DNAI3: variants seen among roughly 807,000 people sequenced by gnomAD.
DNAI3 encodes the protein WD repeat domain 63.
Under a neutral mutation model 115.5 loss-of-function variants are expected in DNAI3, and 83 were observed. That is an observed-to-expected ratio of 0.72 (90% CI 0.60 to 0.86). The LOEUF is 0.86. DNAI3 is among the 40% of genes least tolerant of loss of function. The probability of loss-of-function intolerance (pLI) is 0.00; values close to 1 mark genes in which losing one functional copy is unlikely to be tolerated. For missense variants in DNAI3, 1,004 were observed against 1,075.8 expected (o/e 0.93, Z 0.93); for synonymous variants, 320 against 347.0 (o/e 0.92, Z 0.86).
chr1:85,099,722 T>C (rs1571180062), intron 13 of DNAI3, among the ~76,000 whole-genome samples: 2 of 152,184 alleles, frequency 1.3e-5, no homozygotes, highest in Non-Finnish European at 2.9e-5. Context: ...CTTCAAACTA[T>C]ACTACAAGGC....
intron 14 of DNAI3, 117 bp downstream of exon 14, chr1:85,104,714 A>G: frequency 1.2e-6 from 1 of 804,632 alleles, no homozygotes; most frequent in Non-Finnish European, 2.0e-6. Context: ...TAAATCTAAT[A>G]TAACTAAATG....
Position 85,085,985 on chromosome 1 carries a change from T to A in DNAI3, c.695T>A (p.Met232Lys). The part of the protein sequence containing the change: ...TLKQLEKDVG[M>K]QVIPQIKDIS... ...AAACAACTTGAAAAAGATGTTGGCA[T>A]GCAAGTAATCCCCCAAATAAAGGAC... is the stretch of plus-strand genomic sequence containing the variant. Residue 232 changes from methionine (M) to lysine (K), a missense_variant, in exon 7 of 23, where the codon ATG becomes AAG. Met to Lys is a moderately conservative substitution (Grantham distance 95, BLOSUM62 -1). Around this residue, in one of 3 missense-constraint regions of DNAI3, gnomAD observed 550 missense variants for 568.1 expected, o/e 0.97. Transcript: ENST00000294664. 1.2e-6 allele frequency: 2 copies of A among 1,614,180 alleles called. No homozygotes were observed. The highest frequency in any genetic ancestry group is 1.7e-6 in the Non-Finnish European group (2 of 1,180,024).
In DNAI3 at chr1:85,078,672, TG is replaced by T. The variant is rs200978058; in HGVS notation, c.104-2560del. 4.0e-3 allele frequency among the ~76,000 whole-genome samples: 614 copies of T among 152,322 alleles called. 5 individuals are homozygous for T. The highest frequency in any genetic ancestry group is 0.014 in the African/African-American group (570 of 41,578). Reference sequence around the variant, plus strand: ...GTATTTGGCTGGTGACCCTTTGGGGTGGCCAGAAGCATCAGGCCTTGCCCTG... The same window carrying T: ...GTATTTGGCTGGTGACCCTTTGGGGTGCCAGAAGCATCAGGCCTTGCCCTG... On this transcript the variant is annotated intron_variant, in intron 3 of 22. Transcript: ENST00000294664.
intron 15 of DNAI3, 67 bp from the exon 16 acceptor site, chr1:85,109,981 G>T (rs911155180): frequency 1.3e-6 from 2 of 1,493,220 alleles, no homozygotes; most frequent in Admixed American, 3.4e-5. Flanking sequence ...GGAAAGGCAA[G>T]AATAAATTAC....
rs1475242025 is a variant in DNAI3 at position 85,094,475 on chromosome 1, A to G, written c.1093A>G (p.Arg365Gly). Residue 365 changes from arginine (R) to glycine (G), a missense_variant, in exon 10 of 23, where the codon AGA becomes GGA. By Grantham distance (125) the Arg-to-Gly change is moderately radical (BLOSUM62 -2). Around this residue, in one of 3 missense-constraint regions of DNAI3, gnomAD observed 550 missense variants for 568.1 expected, o/e 0.97. Coordinates refer to ENST00000294664, the MANE Select transcript of DNAI3 (RefSeq NM_145172.5). ...AGCCGTGCGACTTTCTTTTGAAGAC[A>G]GAGTTCACTTTTCTGGTAAATTATT... ...SVAVRLSFED[R>G]VHFSGKLLLQ... is the part of the protein sequence containing the mutation. 3.1e-6 allele frequency: 5 copies of G among 1,614,092 alleles called. No homozygotes were observed. The highest frequency in any genetic ancestry group is 3.3e-5 in the Admixed American group (2 of 60,000).
chr1:85,107,818 A>G lies in DNAI3; in HGVS notation c.1554-215A>G, dbSNP rs537702466. The stretch of plus-strand genomic sequence containing the variant: ...GCATCAAACTCAATTCTCATATGTT[A>G]TTAGTCCCAAGATGAGGGAGGCTGT... On this transcript the variant is annotated intron_variant, in intron 14 of 22. Transcript: ENST00000294664. Among the ~76,000 whole-genome samples the G allele has an allele frequency of 6.7e-4, 102 of 152,308 alleles. 2 individuals are homozygous for G. The highest frequency in any genetic ancestry group is 2.3e-3 in the East Asian group (12 of 5,190).
In DNAI3 at chr1:85,086,034, A is replaced by G. The variant is rs778930907; in HGVS notation, c.740+4A>G. On this transcript the variant is annotated splice_donor_region_variant and intron_variant, in intron 7 of 22. Transcript: ENST00000294664. ...ACATAAGCACTCAGACAAAATGGTA[A>G]GTATGTGATGGGTGTATGTAATTTT... The G allele has an allele frequency of 6.8e-6, 11 of 1,613,540 alleles. No homozygotes were observed. In the East Asian group the frequency reaches 2.2e-4, roughly 33 times the overall value.
chr1:85,070,660 A>G (rs559261094), intron 1 of DNAI3, among the ~76,000 whole-genome samples: 6 of 152,350 alleles, frequency 3.9e-5, no homozygotes, highest in Admixed American at 2.0e-4. Flanking sequence ...GTTTCAGATG[A>G]TGGATAATCC....
chr1:85,119,064 A>T (rs1020306227), intron 17 of DNAI3, among the ~76,000 whole-genome samples: 5 of 152,240 alleles, frequency 3.3e-5, no homozygotes, highest in Non-Finnish European at 5.9e-5. Flanking sequence ...GCAATGCAAC[A>T]CTACCAAATA....
intron 18 of DNAI3, 21 bp from the exon 19 acceptor site, chr1:85,124,100 G>A (rs1656062046): frequency 6.2e-7 from 1 of 1,613,586 alleles, no homozygotes; most frequent in Non-Finnish European, 8.5e-7. Flanking sequence ...AAGATGAGAT[G>A]GTCTTCTTTC....
chr1:85,083,915 C>T (rs1270324151), intron 5 of DNAI3, among the ~76,000 whole-genome samples: 1 of 151,826 alleles, frequency 6.6e-6, no homozygotes, highest in Non-Finnish European at 1.5e-5. Context: ...ACTTAACATT[C>T]ACATAAAAAT....
intron 11 of DNAI3, among the ~76,000 whole-genome samples, chr1:85,096,452 A>ATG (rs1169786832): frequency 1.4e-5 from 2 of 147,968 alleles, no homozygotes; most frequent in Non-Finnish European, 3.0e-5. Context: ...AGGCAGATAT[A>ATG]TGTGTGTATA....
intron 3 of DNAI3, among the ~76,000 whole-genome samples, chr1:85,075,586 G>T (rs996362451): frequency 9.2e-5 from 14 of 152,038 alleles, no homozygotes; most frequent in African/African-American, 3.1e-4. Flanking sequence ...GTTAATCAGG[G>T]CTGATGGCTG....
chr1:85,130,329 T>TAGAA, intron 22 of DNAI3: 1 of 634,854 alleles, frequency 1.6e-6, no homozygotes, highest in Non-Finnish European at 2.5e-6. Context: ...AAATTTTCTA[T>TAGAA]AATTTCAAAG....
chr1:85,104,115 ATGTCCT>A (rs1343168197), intron 13 of DNAI3, among the ~76,000 whole-genome samples: 4 of 146,366 alleles, frequency 2.7e-5, no homozygotes, highest in Non-Finnish European at 4.5e-5. Flanking sequence ...AGATAGTGGT[ATGTCCT>A]TTTTTTTTTT....
intron 9 of DNAI3, 69 bp from the exon 10 acceptor site, chr1:85,094,362 G>C: frequency 6.3e-7 from 1 of 1,589,908 alleles, no homozygotes; most frequent in Admixed American, 1.7e-5. Context: ...GTGTAGAAAA[G>C]CAAAAGCTAG....
chr1:85,082,039 G>A (rs1451314344), intron 4 of DNAI3, among the ~76,000 whole-genome samples: 1 of 152,166 alleles, frequency 6.6e-6, no homozygotes. Flanking sequence ...GCATGCTACA[G>A]AGCACAATAC....
Position 85,094,457 on chromosome 1 carries a change from C to A in DNAI3, c.1075C>A (p.Arg359=), listed in dbSNP as rs141494762. ...YGLIAVSVAV[R]LSFEDRVHFS... ...GCTAATAGCTGTGTCGGTAGCCGTGCGACTTTCTTTTGAAGACAGAGTTCA... is the reference window on the plus strand; with the variant it reads ...GCTAATAGCTGTGTCGGTAGCCGTGAGACTTTCTTTTGAAGACAGAGTTCA... The change falls in exon 10 of 23, where the codon CGA becomes AGA. Residue 359 remains arginine (R), a synonymous_variant. Transcript: ENST00000294664. The A allele has an allele frequency of 7.2e-5, 117 of 1,614,130 alleles. No individual in the cohort carries two copies. The African/African-American group carries it at 1.3e-3, about 18-fold the overall frequency.
chr1:85,126,567 G>T lies in DNAI3; in HGVS notation c.2169G>T (p.Trp723Cys). The change falls in exon 20 of 23, where the codon TGG becomes TGT. Residue 723 changes from tryptophan to cysteine, a missense_variant. Transcript: ENST00000294664. ...CAPKRYTSGH[W>C]SLTRPGVFYI... is the part of the protein sequence containing the mutation. ...CAAAAAGGTACACCTCAGGCCACTGGTCCCTGACTCGGCCCGGAGTTTTCT... is the reference window on the plus strand; with the variant it reads ...CAAAAAGGTACACCTCAGGCCACTGTTCCCTGACTCGGCCCGGAGTTTTCT... 1 of 1,614,118 alleles carries T rather than the reference G, an allele frequency of 6.2e-7. No homozygotes were observed. The highest frequency in any genetic ancestry group is 8.5e-7 in the Non-Finnish European group (1 of 1,180,014).
Sources: gnomAD v4.1 joint callset for allele counts (sites outside exome capture counted in the v4.1 genomes callset) on GRCh38, gnomAD v4.1.1 for gene constraint, gnomAD v4.1.1 regional missense constraint, MANE v1.5 for transcripts, NCBI Gene and HGNC (gene_info 2026-07-23, HGNC 2026-07-21) for gene names.